ROBO1: variants seen among roughly 807,000 people sequenced by gnomAD.
The protein encoded by ROBO1 is roundabout guidance receptor 1.
ROBO1 carries 149 observed loss-of-function variants against 195.9 expected under a neutral mutation model. The observed-to-expected ratio is 0.76, with a 90% CI of 0.67 to 0.87. ROBO1 has a LOEUF of 0.87. Among genes scored for constraint, ROBO1 ranks in the 40% least tolerant of loss-of-function variants. The probability of loss-of-function intolerance (pLI) is 0.00; values close to 1 mark genes in which losing one functional copy is unlikely to be tolerated. For missense variants in ROBO1, 1,933 were observed against 2,068.3 expected, an observed-to-expected ratio of 0.93 and a Z score of 1.27; for synonymous variants, 816 against 733.2, an observed-to-expected ratio of 1.11 and a Z score of -1.82.
chr3:79,198,380 C>T (rs2081685725), intron 2 of ROBO1, among the ~76,000 whole-genome samples: 1 of 151,984 alleles, frequency 6.6e-6, no homozygotes, highest in South Asian at 2.1e-4. Flanking sequence ...GGCCTCTTTT[C>T]TGTTCCATTG....
At chr3:79,032,481 A>G (rs2078313447) in intron 3 of ROBO1, among the ~76,000 whole-genome samples, 2 of 152,032 alleles carry the variant, frequency 1.3e-5, no homozygotes. Flanking sequence ...AGTACCAGTA[A>G]ACCATTTATT....
chr3:79,589,525 A>T, intron 2 of ROBO1, among the ~76,000 whole-genome samples: 1 of 151,446 alleles, frequency 6.6e-6, no homozygotes, highest in African/African-American at 2.4e-5. Flanking sequence ...CCCTACTGTA[A>T]TTTTTCTTCT....
At chr3:78,681,491 G>T (rs2080907605) in intron 10 of ROBO1, among the ~76,000 whole-genome samples, 1 of 152,142 alleles carries the variant, frequency 6.6e-6, no homozygotes, top group Non-Finnish European at 1.5e-5. Context: ...AAACGTATAG[G>T]ATGCAATCTA....
chr3:78,729,150 T>G (rs959021322), intron 5 of ROBO1, among the ~76,000 whole-genome samples: 7 of 152,218 alleles, frequency 4.6e-5, no homozygotes, highest in Non-Finnish European at 1.0e-4. Context: ...TCTCATTTCT[T>G]CCTCATAACA....
At chr3:79,079,636 T>G (rs2079235474) in intron 3 of ROBO1, among the ~76,000 whole-genome samples, 1 of 151,790 alleles carries the variant, frequency 6.6e-6, no homozygotes, top group African/African-American at 2.4e-5. Flanking sequence ...TATTTTCTGA[T>G]CTGGTATAAA....
chr3:78,602,045 AGT>A (rs10542402), intron 29 of ROBO1, among the ~76,000 whole-genome samples: 133,443 of 149,960 alleles, frequency 0.89, 59,792 homozygotes, highest in Non-Finnish European at 0.94. Flanking sequence ...CATGTGTGTG[AGT>A]GTGTGTGTGT....
intron 2 of ROBO1, among the ~76,000 whole-genome samples, chr3:79,436,258 A>T (rs1027790895): frequency 6.6e-6 from 1 of 152,176 alleles, no homozygotes; most frequent in Non-Finnish European, 1.5e-5. Flanking sequence ...TTAAAAGACT[A>T]AAGTATTTTT....
intron 2 of ROBO1, among the ~76,000 whole-genome samples, chr3:79,545,687 C>G (rs1034640308): frequency 6.6e-6 from 1 of 151,074 alleles, no homozygotes; most frequent in Non-Finnish European, 1.5e-5. Context: ...TTACAAGATT[C>G]GAGATGGTAG....
intron 2 of ROBO1, among the ~76,000 whole-genome samples, chr3:79,475,430 T>C (rs985995322): frequency 2.0e-5 from 3 of 152,018 alleles, no homozygotes; most frequent in Non-Finnish European, 4.4e-5. Context: ...ATAAAAATGC[T>C]CTCATTTTCT....
At chr3:79,544,482 G>C (rs1478886322) in intron 2 of ROBO1, among the ~76,000 whole-genome samples, 1 of 151,880 alleles carries the variant, frequency 6.6e-6, no homozygotes, top group African/African-American at 2.4e-5. Context: ...ACTAGATAAA[G>C]TGTTTTCAAA....
At chr3:79,562,042 C>T (rs1441625253) in intron 2 of ROBO1, among the ~76,000 whole-genome samples, 3 of 152,020 alleles carry the variant, frequency 2.0e-5, no homozygotes, top group African/African-American at 7.2e-5. Flanking sequence ...AATTGTCACT[C>T]TAAAGTTTTA....
intron 4 of ROBO1, among the ~76,000 whole-genome samples, chr3:78,884,752 A>G (rs1456208388): frequency 6.6e-6 from 1 of 151,998 alleles, no homozygotes; most frequent in African/African-American, 2.4e-5. Context: ...GAAAGGAAAG[A>G]AAGAAAGAAA....
chr3:78,756,377 A>T (rs1411551228), intron 4 of ROBO1, among the ~76,000 whole-genome samples: 2 of 152,170 alleles, frequency 1.3e-5, no homozygotes, highest in Non-Finnish European at 2.9e-5. Flanking sequence ...TTAAGGACAC[A>T]AGAACTAATA....
At chr3:79,078,544 G>T (rs1156269342) in intron 3 of ROBO1, among the ~76,000 whole-genome samples, 1 of 151,736 alleles carries the variant, frequency 6.6e-6, no homozygotes, top group Non-Finnish European at 1.5e-5. Flanking sequence ...AGAGGGTGAT[G>T]GGATGTCCCA....
chr3:79,178,077 G>A lies in ROBO1; in HGVS notation c.89-52538C>T, dbSNP rs111285519. On this transcript the variant is annotated intron_variant, in intron 2 of 30. Coordinates refer to ENST00000464233, the MANE Select transcript of ROBO1 (RefSeq NM_002941.4). ...AATGGAAGTTATTAGCTTTTACCTC[G>A]ATTTTTGACAATTTGACTTTAGTTG... Among the ~76,000 whole-genome samples the A allele has an allele frequency of 9.9e-3, 1,513 of 152,212 alleles. 8 individuals are homozygous for A. The highest frequency in any genetic ancestry group is 0.02 in the Middle Eastern group (6 of 294).
At chr3:79,114,742 A>C (rs1250158385) in intron 3 of ROBO1, among the ~76,000 whole-genome samples, 1 of 152,176 alleles carries the variant, frequency 6.6e-6, no homozygotes, top group African/African-American at 2.4e-5. Context: ...CACATTTTTC[A>C]TTATATACAT....
intron 3 of ROBO1, among the ~76,000 whole-genome samples, chr3:79,004,096 G>A (rs1182316141): frequency 1.3e-5 from 2 of 152,098 alleles, no homozygotes. Flanking sequence ...AACCTATTTT[G>A]TGAGATCCAG....
In ROBO1 at chr3:78,867,234, G is replaced by A. The variant is rs139748913; in HGVS notation, c.499+71367C>T. On this transcript the variant is annotated intron_variant, in intron 4 of 30. Transcript: ENST00000464233. ...TTTCTTCAGATTATTGTTCCATGAA[G>A]CTACCTTGTCAGGAAACTGGAAAAC... Among the ~76,000 whole-genome samples, 315 of 152,210 alleles carry A rather than the reference G, an allele frequency of 2.1e-3. 1 individual carries two copies. Among genetic ancestry groups the A allele is most frequent in the Middle Eastern group, 0.017 (5 of 294 alleles).
intron 3 of ROBO1, among the ~76,000 whole-genome samples, chr3:79,056,106 A>G (rs1452390982): frequency 6.6e-6 from 1 of 152,110 alleles, no homozygotes; most frequent in African/African-American, 2.4e-5. Flanking sequence ...TTGGCCTCTC[A>G]TAGTTATTGA....
Sources: gnomAD v4.1 joint callset for allele counts (sites outside exome capture counted in the v4.1 genomes callset) on GRCh38, gnomAD v4.1.1 for gene constraint, MANE v1.5 for transcripts, NCBI Gene and HGNC (gene_info 2026-07-23, HGNC 2026-07-21) for gene names.